The following MAPK10 variants were observed in gnomAD, a reference collection of about 807,000 sequenced individuals.
The protein encoded by MAPK10 is mitogen-activated protein kinase 10.
In MAPK10, 25 loss-of-function variants were observed where a neutral mutation model predicts 59.3. The observed-to-expected ratio is 0.42, with a 90% CI of 0.31 to 0.59. MAPK10 has a LOEUF of 0.59. MAPK10 is among the 20% of genes least tolerant of loss of function. The pLI, the probability that MAPK10 is intolerant of heterozygous loss-of-function variation, is 0.15. For missense variants in MAPK10, 351 were observed against 568.9 expected, an observed-to-expected ratio of 0.62 and a Z score of 3.90; for synonymous variants, 190 against 200.5, an observed-to-expected ratio of 0.95 and a Z score of 0.44.
At chr4:86,183,289 C>G (rs944448769) in intron 3 of MAPK10, among the ~76,000 whole-genome samples, 6 of 145,926 alleles carry the variant, frequency 4.1e-5, no homozygotes, top group African/African-American at 1.5e-4. Context: ...TCCCTCCCCC[C>G]TCCCCCTACC....
chr4:86,257,569 T>C (rs2093801384), intron 2 of MAPK10, among the ~76,000 whole-genome samples: 1 of 152,228 alleles, frequency 6.6e-6, no homozygotes, highest in Non-Finnish European at 1.5e-5. Context: ...CATCACTGCC[T>C]TCATGCTCCA....
At chr4:86,432,582 G>C (rs1303595146) in intron 1 of MAPK10, among the ~76,000 whole-genome samples, 3 of 152,138 alleles carry the variant, frequency 2.0e-5, no homozygotes, top group Non-Finnish European at 4.4e-5. Flanking sequence ...GCCCAGCCAG[G>C]ATTTCATTTT....
Position 86,586,409 on chromosome 4 carries a change from C to T in MAPK10, c.-263+7501G>A, listed in dbSNP as rs746396047. 3.3e-5 allele frequency among the ~76,000 whole-genome samples: 5 copies of T among 152,210 alleles called. 1 individual carries two copies. The highest frequency in any genetic ancestry group is 2.0e-4 in the Admixed American group (3 of 15,272). On this transcript the variant is annotated intron_variant, in intron 1 of 4. Coordinates refer to the MAPK10 transcript ENST00000502302. Reference sequence around the variant, plus strand: ...TCCCCCACCAAATTCCTCTCTCTGTCTTTCACTCATCATCGAAACTGGCTT... The same window carrying T: ...TCCCCCACCAAATTCCTCTCTCTGTTTTTCACTCATCATCGAAACTGGCTT...
chr4:86,185,872 G>A (rs909643614), intron 3 of MAPK10, among the ~76,000 whole-genome samples: 1 of 152,040 alleles, frequency 6.6e-6, no homozygotes, highest in Non-Finnish European at 1.5e-5. Flanking sequence ...GGATAGATGA[G>A]GTGTTGCTTT....
At chr4:86,325,201 A>G (rs1333666802) in intron 2 of MAPK10, among the ~76,000 whole-genome samples, 2 of 152,244 alleles carry the variant, frequency 1.3e-5, no homozygotes, top group Non-Finnish European at 2.9e-5. Flanking sequence ...CCAGGATTTC[A>G]TAGATCACAG....
At chr4:86,033,795 G>A (rs764987658) in intron 11 of MAPK10, among the ~76,000 whole-genome samples, 16 of 152,172 alleles carry the variant, frequency 1.1e-4, no homozygotes, top group Non-Finnish European at 2.1e-4. Context: ...AAATGCGAAT[G>A]TCACCTCCAG....
intron 1 of MAPK10, among the ~76,000 whole-genome samples, chr4:86,436,890 GA>G (rs1208692130): frequency 6.6e-6 from 1 of 152,064 alleles, no homozygotes; most frequent in Non-Finnish European, 1.5e-5. Context: ...GCTTACATCA[GA>G]GAAAAAGTTT....
At chr4:86,444,030 A>G (rs565676654) in intron 1 of MAPK10, among the ~76,000 whole-genome samples, 2 of 144,480 alleles carry the variant, frequency 1.4e-5, no homozygotes, top group African/African-American at 5.3e-5. Context: ...CTGAAAATTT[A>G]AAAAAAAAAA....
chr4:86,474,194 A>G (rs921013379), intron 1 of MAPK10, among the ~76,000 whole-genome samples: 4 of 152,182 alleles, frequency 2.6e-5, no homozygotes, highest in Non-Finnish European at 5.9e-5. Context: ...ATTGGTGCAC[A>G]ATTTTTATTT....
chr4:86,471,094 C>A (rs1299092705), intron 1 of MAPK10, among the ~76,000 whole-genome samples: 1 of 151,802 alleles, frequency 6.6e-6, no homozygotes, highest in Admixed American at 6.6e-5. Flanking sequence ...TATGGTGAAA[C>A]CCCATCTCTA....
At chr4:86,300,522 T>C (rs755466782) in intron 2 of MAPK10, 1 of 152,084 alleles carries the variant, frequency 6.6e-6, no homozygotes, top group Non-Finnish European at 1.5e-5. Flanking sequence ...GACTGTCAAG[T>C]CACATTTGCT....
At chr4:86,112,829 A>G (rs1229975675) in intron 4 of MAPK10, among the ~76,000 whole-genome samples, 2 of 152,102 alleles carry the variant, frequency 1.3e-5, no homozygotes, top group South Asian at 2.1e-4. Flanking sequence ...AGTTTCCACT[A>G]TTACTGTGTG....
chr4:86,205,956 T>G (rs1258205844), intron 2 of MAPK10, among the ~76,000 whole-genome samples: 1 of 152,020 alleles, frequency 6.6e-6, no homozygotes, highest in Non-Finnish European at 1.5e-5. Context: ...AATAGTACCC[T>G]GCAAATGAAA....
At chr4:86,196,845 GGTTT>G (rs1374880794) in intron 2 of MAPK10, among the ~76,000 whole-genome samples, 2 of 152,224 alleles carry the variant, frequency 1.3e-5, no homozygotes, top group African/African-American at 4.8e-5. Flanking sequence ...GTTTTTGGCA[GGTTT>G]GTCGAAAATC....
At chr4:86,430,450 TA>T (rs1410094069) in intron 1 of MAPK10, among the ~76,000 whole-genome samples, 8 of 152,178 alleles carry the variant, frequency 5.3e-5, no homozygotes, top group African/African-American at 1.4e-4. Context: ...GGCCCTTTGG[TA>T]GGTGCTAGAA....
intron 2 of MAPK10, among the ~76,000 whole-genome samples, chr4:86,288,218 C>A (rs547068796): frequency 6.6e-6 from 1 of 151,754 alleles, no homozygotes; most frequent in Admixed American, 6.6e-5. Flanking sequence ...TACATGTGCA[C>A]AATGTGCAGG....
intron 11 of MAPK10, among the ~76,000 whole-genome samples, chr4:86,040,373 T>C (rs2041264762): frequency 6.6e-6 from 1 of 151,820 alleles, no homozygotes; most frequent in South Asian, 2.1e-4. Context: ...GAATGAAAAA[T>C]GCAATAGTAG....
intron 1 of MAPK10, among the ~76,000 whole-genome samples, chr4:86,422,488 A>T (rs1746661209): frequency 1.3e-5 from 2 of 152,298 alleles, no homozygotes; most frequent in East Asian, 3.9e-4. Context: ...ATGCCAACAA[A>T]ACAAGAAGAA....
chr4:86,115,824 T>A (rs1197145109), intron 4 of MAPK10, among the ~76,000 whole-genome samples: 5 of 152,208 alleles, frequency 3.3e-5, no homozygotes, highest in Admixed American at 3.3e-4. Context: ...TGACTCACAG[T>A]GAGCCTGTGT....
Sources: allele counts gnomAD v4.1 joint callset (sites outside exome capture counted in the v4.1 genomes callset), GRCh38; gene constraint gnomAD v4.1.1; transcripts MANE v1.5; gene names NCBI Gene and HGNC (gene_info 2026-07-23, HGNC 2026-07-21).